The following PHKG2 variants were observed in gnomAD, a reference collection of about 807,000 sequenced individuals.
PHKG2 encodes the protein phosphorylase b kinase gamma catalytic chain, liver/testis isoform.
Under a neutral mutation model 44.5 loss-of-function variants are expected in PHKG2, and 28 were observed. The observed-to-expected ratio is 0.63, with a 90% CI of 0.47 to 0.86. The LOEUF is 0.86. Ranked by LOEUF, PHKG2 falls within the 40% of genes least tolerant of loss-of-function variation. The pLI is 0.00. For synonymous variants in PHKG2, 220 were observed against 211.2 expected (o/e 1.04, Z -0.36); for missense variants, 498 against 547.5 (o/e 0.91, Z 0.90).
In PHKG2 at chr16:30,759,404, C is replaced by A; in HGVS notation, c.*2307C>A. ...CGGAAGTAAGTGTTGACCACGTAGTCTTCCAAGGCCAGCAGCTGTTCCTCT... is the reference window on the plus strand; with the variant it reads ...CGGAAGTAAGTGTTGACCACGTAGTATTCCAAGGCCAGCAGCTGTTCCTCT... On this transcript the variant is annotated 3_prime_UTR_variant, in exon 10 of 10. Coordinates refer to ENST00000563588, the MANE Select transcript of PHKG2 (RefSeq NM_000294.3). The A allele has an allele frequency of 6.2e-7, 1 of 1,614,234 alleles. No homozygotes were observed. Among genetic ancestry groups the A allele is most frequent in the Non-Finnish European group, 8.5e-7 (1 of 1,180,032 alleles).
intron 7 of PHKG2, 46 bp downstream of exon 7, chr16:30,756,318 CT>C: frequency 1.2e-6 from 2 of 1,614,130 alleles, no homozygotes; most frequent in Non-Finnish European, 1.7e-6. Flanking sequence ...CTGTCCTTTG[CT>C]GGGTCTGCCC....
At position 30,759,026 on chromosome 16, in the gene PHKG2, G is replaced by C. The variant is rs759098573; in HGVS notation, c.*1929G>C. Reference sequence around the variant, plus strand: ...CAGATCCTCACTTGGCTCTGGCTCTGGTGGGGCCACTGTCTCTAGTTCCTC... The same window carrying C: ...CAGATCCTCACTTGGCTCTGGCTCTCGTGGGGCCACTGTCTCTAGTTCCTC... On this transcript the variant is annotated 3_prime_UTR_variant, in exon 10 of 10. Transcript: ENST00000563588. The C allele has an allele frequency of 1.2e-6, 2 of 1,614,196 alleles. No individual in the cohort carries two copies. Among genetic ancestry groups the C allele is most frequent in the South Asian group, 2.2e-5 (2 of 91,082 alleles).
intron 6 of PHKG2, chr16:30,754,795 A>G: frequency 2.2e-6 from 1 of 448,944 alleles, no homozygotes. Flanking sequence ...AGGGCAGCTT[A>G]GGTCCCCTTG....
At chr16:30,754,242 C>T (rs183123962) in intron 6 of PHKG2, among the ~76,000 whole-genome samples, 9 of 151,792 alleles carry the variant, frequency 5.9e-5, no homozygotes, top group Admixed American at 5.3e-4. Flanking sequence ...CTTCACTCAC[C>T]GAAATCTCCA....
At chr16:30,753,189 C>A in intron 4 of PHKG2, 43 bp from the exon 5 acceptor site, 2 of 1,479,018 alleles carry the variant, frequency 1.4e-6, no homozygotes, top group Non-Finnish European at 1.9e-6. Context: ...TCTCAGCCCC[C>A]ACTGTGGGAT....
At position 30,756,930 on chromosome 16, in the gene PHKG2, A is replaced by G. The variant is rs746361026; in HGVS notation, c.1054A>G (p.Asn352Asp). The change falls in exon 10 of 10, where the codon AAC (asparagine) becomes GAC (aspartate). Residue 352 changes from asparagine (N) to aspartate (D), a missense_variant. Transcript: ENST00000563588. ...GCGGTCAGTGCGGCACCTCATCGACAACTGTGCCTTCCGGCTCTACGGGCA... is the reference window on the plus strand; with the variant it reads ...GCGGTCAGTGCGGCACCTCATCGACGACTGTGCCTTCCGGCTCTACGGGCA... Reference protein sequence around the residue: ...ALRSVRHLIDNCAFRLYGHWV... With the variant: ...ALRSVRHLIDDCAFRLYGHWV... The G allele has an allele frequency of 8.7e-6, 14 of 1,613,830 alleles. No homozygotes were observed. The highest frequency in any genetic ancestry group is 1.2e-5 in the Non-Finnish European group (14 of 1,180,038).
Position 30,759,278 on chromosome 16 carries a change from G to A in PHKG2, c.*2181G>A. 1 of 1,613,914 alleles carries A rather than the reference G, an allele frequency of 6.2e-7. No individual in the cohort carries two copies. The highest frequency in any genetic ancestry group is 8.5e-7 in the Non-Finnish European group (1 of 1,179,834). ...AAGCAAGGCAGAGGGAGGCTGAAAG[G>A]AGTGCACCTGTGCTGAGGGGAGGGG... On this transcript the variant is annotated 3_prime_UTR_variant, in exon 10 of 10. Coordinates refer to ENST00000563588, the MANE Select transcript of PHKG2 (RefSeq NM_000294.3).
chr16:30,759,699 C>T lies in PHKG2; in HGVS notation c.*2602C>T. On this transcript the variant is annotated 3_prime_UTR_variant, in exon 10 of 10. Coordinates refer to ENST00000563588, the MANE Select transcript of PHKG2 (RefSeq NM_000294.3). ...GGACACTGGTGAAGTAGCGGTAGCA[C>T]TCCTCCACGTTGCCCAAGGGGGTTG... 6.8e-6 allele frequency: 11 copies of T among 1,613,282 alleles called. No individual in the cohort carries two copies. Among genetic ancestry groups the T allele is most frequent in the Non-Finnish European group, 9.3e-6 (11 of 1,179,558 alleles).
rs997755706 is a variant in PHKG2, at chr16:30,760,688, A to G, written c.*3591A>G. ...TACTTCCTGTTATAGTAAAAGAAAA[A>G]GAGTATTGGTGGCCGTTACCTATCA... On this transcript the variant is annotated 3_prime_UTR_variant, in exon 10 of 10. Transcript: ENST00000563588. 12 of 1,550,320 alleles carry G rather than the reference A, an allele frequency of 7.7e-6. No homozygotes were observed. Among genetic ancestry groups the G allele is most frequent in the African/African-American group, 2.7e-5 (2 of 72,950 alleles).
rs754494410 is a variant in PHKG2, at chr16:30,756,530, G to C, written c.801+10G>C. The C allele has an allele frequency of 1.2e-6, 2 of 1,612,756 alleles. No homozygotes were observed. Among genetic ancestry groups the C allele is most frequent in the Non-Finnish European group, 8.5e-7 (1 of 1,180,000 alleles). ...CACTGTCAAAGACCTGGTGAGCGGG[G>C]GCTGAGAGGACAGTAGGGGAGGCCC... On this transcript the variant is annotated intron_variant, in intron 8 of 9. Transcript: ENST00000563588.
chr16:30,759,660 T>C lies in PHKG2; in HGVS notation c.*2563T>C. Reference sequence around the variant, plus strand: ...ATGTTCCAGGGGAACTGACCCTGACTCCATGGCAAAAAAGGACACTGGTGA... The same window carrying C: ...ATGTTCCAGGGGAACTGACCCTGACCCCATGGCAAAAAAGGACACTGGTGA... On this transcript the variant is annotated 3_prime_UTR_variant, in exon 10 of 10. Transcript: ENST00000563588. The C allele has an allele frequency of 6.2e-7, 1 of 1,613,192 alleles. No individual in the cohort carries two copies. Among genetic ancestry groups the C allele is most frequent in the Non-Finnish European group, 8.5e-7 (1 of 1,179,768 alleles).
rs1457579103 is a variant in PHKG2, at chr16:30,757,037, T to C, written c.1161T>C (p.Pro387=). 1 of 1,612,690 alleles carries C rather than the reference T, an allele frequency of 6.2e-7. No homozygotes were observed. The highest frequency in any genetic ancestry group is 8.5e-7 in the Non-Finnish European group (1 of 1,180,018). ...RPPGPFPIMG[P]EEEGDSAAIT... ...CTGGGCCTTTTCCCATCATGGGCCCTGAAGAGGAGGGAGACTCTGCTGCTA... is the reference window on the plus strand; with the variant it reads ...CTGGGCCTTTTCCCATCATGGGCCCCGAAGAGGAGGGAGACTCTGCTGCTA... Residue 387 remains proline, a synonymous_variant, in exon 10 of 10, where the codon CCT becomes CCC. Transcript: ENST00000563588.
In PHKG2 at chr16:30,760,031, C is replaced by G. The variant is rs565338762; in HGVS notation, c.*2934C>G. On this transcript the variant is annotated 3_prime_UTR_variant, in exon 10 of 10. Coordinates refer to ENST00000563588, the MANE Select transcript of PHKG2 (RefSeq NM_000294.3). ...GCAAGAGCTATTAAACATTCTAAAG[C>G]AGGTGTTATTGTGCACTATGCATAT... is the stretch of plus-strand genomic sequence containing the variant. 2.0e-5 allele frequency: 30 copies of G among 1,496,166 alleles called. No homozygotes were observed. Among genetic ancestry groups the G allele is most frequent in the South Asian group, 2.6e-5 (2 of 77,522 alleles). 92.7% of individuals were successfully genotyped at this position (1,496,166 alleles called of 1,614,324 possible).
rs779689672 is a variant in PHKG2, at chr16:30,751,613, TCCCTG to T, written c.326+13_326+17del. ...TCCTGGTGTTTGACCTGTGAGTATCTCCCTGCCACCATCTGAGAAGCCTCCTCCCC... is the reference window on the plus strand; with the variant it reads ...TCCTGGTGTTTGACCTGTGAGTATCTCCACCATCTGAGAAGCCTCCTCCCC... On this transcript the variant is annotated intron_variant, in intron 4 of 9. Transcript: ENST00000563588. The T allele has an allele frequency of 4.3e-6, 7 of 1,610,594 alleles. No homozygotes were observed. Among genetic ancestry groups the T allele is most frequent in the Non-Finnish European group, 5.9e-6 (7 of 1,176,776 alleles).
chr16:30,758,983 A>G lies in PHKG2; in HGVS notation c.*1886A>G. On this transcript the variant is annotated 3_prime_UTR_variant, in exon 10 of 10. Transcript: ENST00000563588. ...TCATTCTACACCTGCTCAGAGGGAC[A>G]GGGCAGCCTGCCCTCTCCAGATCCT... 6.2e-7 allele frequency: 1 copy of G among 1,613,542 alleles called. No individual in the cohort carries two copies. The highest frequency in any genetic ancestry group is 2.2e-5 in the East Asian group (1 of 44,890).
Position 30,758,481 on chromosome 16 carries a change from A to T in PHKG2, c.*1384A>T, listed in dbSNP as rs1318168279. On this transcript the variant is annotated 3_prime_UTR_variant, in exon 10 of 10. Transcript: ENST00000563588. ...GGTTTGCTTTACCCATCAACCCATC[A>T]TATAGGTTTTAAGCCACCGTCATTG... 1 of 179,586 alleles carries T rather than the reference A, an allele frequency of 5.6e-6. No homozygotes were observed. Among genetic ancestry groups the T allele is most frequent in the East Asian group, 1.6e-4 (1 of 6,208 alleles). 11.1% of individuals were successfully genotyped at this position (179,586 alleles called of 1,614,324 possible).
chr16:30,759,581 G>A lies in PHKG2; in HGVS notation c.*2484G>A. 1 of 1,614,122 alleles carries A rather than the reference G, an allele frequency of 6.2e-7. No homozygotes were observed. Among genetic ancestry groups the A allele is most frequent in the Non-Finnish European group, 8.5e-7 (1 of 1,180,006 alleles). On this transcript the variant is annotated 3_prime_UTR_variant, in exon 10 of 10. Transcript: ENST00000563588. Reference sequence around the variant, plus strand: ...GTCTTCACAAGAAGATAAGGGTGATGAATGTGAGAGAGACTGGGTGAGACC... The same window carrying A: ...GTCTTCACAAGAAGATAAGGGTGATAAATGTGAGAGAGACTGGGTGAGACC...
rs759824996 is a variant in PHKG2, at chr16:30,760,678, TAAAAGAAA to T, written c.*3584_*3591del. ...GACGTCCAGGTACTTCCTGTTATAG[TAAAAGAAA>T]AAGAGTATTGGTGGCCGTTACCTAT... On this transcript the variant is annotated 3_prime_UTR_variant, in exon 10 of 10. Coordinates refer to ENST00000563588, the MANE Select transcript of PHKG2 (RefSeq NM_000294.3). The T allele has an allele frequency of 6.6e-7, 1 of 1,522,680 alleles. No homozygotes were observed. The highest frequency in any genetic ancestry group is 1.8e-5 in the African/African-American group (1 of 54,424). 94.3% of individuals were successfully genotyped at this position (1,522,680 alleles called of 1,614,324 possible).
At position 30,751,422 on chromosome 16, in the gene PHKG2, A is replaced by C. The variant is rs560292331; in HGVS notation, c.272-127A>C. On this transcript the variant is annotated intron_variant, in intron 3 of 9. Transcript: ENST00000563588. ...AAGAGTGGCCATCCGTTGGGCGCCCACTGCCTCCTCTGGTTCTCCTTTCTT... is the reference window on the plus strand; with the variant it reads ...AAGAGTGGCCATCCGTTGGGCGCCCCCTGCCTCCTCTGGTTCTCCTTTCTT... 229 of 1,284,390 alleles carry C rather than the reference A, an allele frequency of 1.8e-4. No individual in the cohort carries two copies. In the African/African-American group the frequency reaches 3.0e-3, roughly 17 times the overall value. The allele number at this position is 1,284,390 out of a possible 1,614,324, so 79.6% of individuals were successfully genotyped here.
Sources: allele counts gnomAD v4.1 joint callset (sites outside exome capture counted in the v4.1 genomes callset), GRCh38; gene constraint gnomAD v4.1.1; transcripts MANE v1.5; gene names NCBI Gene and HGNC (gene_info 2026-07-23, HGNC 2026-07-21).